The following GTF2A1L variants were observed in gnomAD, a reference collection of about 807,000 sequenced individuals.
GTF2A1L encodes the protein general transcription factor IIA subunit 1 like.
GTF2A1L carries 48 observed loss-of-function variants against 49.7 expected under a neutral mutation model. The observed-to-expected ratio is 0.97, with a 90% CI of 0.77 to 1.23. The LOEUF (loss-of-function observed/expected upper bound fraction) is 1.23. GTF2A1L is among the 50% of genes most tolerant of loss of function. The pLI, the probability that GTF2A1L is intolerant of heterozygous loss-of-function variation, is 0.00. For synonymous variants in GTF2A1L, 246 were observed against 193.5 expected (o/e 1.27, Z -2.25); for missense variants, 736 against 564.8 (o/e 1.30, Z -3.07).
chr2:48,620,160 G>GA (rs1675901106), intron 1 of GTF2A1L, among the ~76,000 whole-genome samples: 1 of 152,172 alleles, frequency 6.6e-6, no homozygotes, highest in Admixed American at 6.5e-5. Flanking sequence ...GAGGTAAATT[G>GA]AAAACAGAAG....
At chr2:48,640,112 G>T (rs181606796) in intron 3 of GTF2A1L, among the ~76,000 whole-genome samples, 7 of 152,280 alleles carry the variant, frequency 4.6e-5, no homozygotes, top group African/African-American at 1.7e-4. Flanking sequence ...GTGCAAATTA[G>T]TTCAGCCATT....
chr2:48,646,980 T>C lies in GTF2A1L; in HGVS notation c.916T>C (p.Cys306Arg). Residue 306 changes from cysteine (C) to arginine (R), a missense_variant, in exon 6 of 9, where the codon TGT becomes CGT. Transcript: ENST00000403751. ...LHILKNRMYG[C>R]DSVKQPRNIE... ...TATTCTTAAAAATAGGATGTATGGA[T>C]GTGATTCTGTAAAGCAACCAAGAAA... 1 of 1,614,078 alleles carries C rather than the reference T, an allele frequency of 6.2e-7. No homozygotes were observed. The highest frequency in any genetic ancestry group is 1.3e-5 in the African/African-American group (1 of 75,038).
chr2:48,621,697 T>A (rs1269631070), intron 3 of GTF2A1L, among the ~76,000 whole-genome samples: 1 of 152,176 alleles, frequency 6.6e-6, no homozygotes, highest in African/African-American at 2.4e-5. Flanking sequence ...ATAAATCTGA[T>A]ATATTGGGAG....
intron 6 of GTF2A1L, among the ~76,000 whole-genome samples, chr2:48,651,770 A>G (rs1677861203): frequency 1.3e-5 from 2 of 152,232 alleles, no homozygotes; most frequent in Non-Finnish European, 2.9e-5. Flanking sequence ...CTGGCTTTTC[A>G]AAGGACAATG....
chr2:48,672,774 A>G (rs1332653007), intron 8 of GTF2A1L, among the ~76,000 whole-genome samples: 1 of 152,234 alleles, frequency 6.6e-6, no homozygotes, highest in Non-Finnish European at 1.5e-5. Context: ...AGTGGCTTTG[A>G]GATATAATGA....
chr2:48,667,465 A>G (rs1916838), intron 6 of GTF2A1L, among the ~76,000 whole-genome samples: 33,978 of 152,104 alleles, frequency 0.22, 3,906 homozygotes, highest in South Asian at 0.26. Flanking sequence ...CATTGTTAGT[A>G]TGGTAGTGGC....
intron 8 of GTF2A1L, among the ~76,000 whole-genome samples, chr2:48,677,222 C>T (rs1314241020): frequency 6.6e-6 from 1 of 151,792 alleles, no homozygotes; most frequent in African/African-American, 2.4e-5. Flanking sequence ...ATCAACTTGT[C>T]TGGTTCAAAA....
Position 48,621,025 on chromosome 2 carries a change from G to C in GTF2A1L, c.123+73G>C, listed in dbSNP as rs963741921. 44 of 1,526,434 alleles carry C rather than the reference G, an allele frequency of 2.9e-5. 1 individual carries two copies. In the South Asian group the frequency reaches 5.2e-4, roughly 18 times the overall value. The allele number at this position is 1,526,434 out of a possible 1,614,324, so 94.6% of individuals were successfully genotyped here. On this transcript the variant is annotated intron_variant, in intron 2 of 8. Transcript: ENST00000403751. ...CAGCATACAAAACTGATATAGTTCT[G>C]ATCTCTCAAATTATAGTTTAGTACT...
chr2:48,650,074 T>C (rs1373512023), intron 6 of GTF2A1L, among the ~76,000 whole-genome samples: 3 of 152,208 alleles, frequency 2.0e-5, no homozygotes, highest in African/African-American at 7.2e-5. Flanking sequence ...TTAAATTGGA[T>C]GTAGCTCTTC....
intron 7 of GTF2A1L, among the ~76,000 whole-genome samples, chr2:48,670,283 A>T (rs1276172068): frequency 1.3e-5 from 2 of 152,028 alleles, no homozygotes; most frequent in Non-Finnish European, 2.9e-5. Context: ...AAACCCAGCT[A>T]CTCAGGAGAC....
At chr2:48,637,565 T>C (rs868365624) in intron 3 of GTF2A1L, among the ~76,000 whole-genome samples, 2 of 151,838 alleles carry the variant, frequency 1.3e-5, no homozygotes, top group African/African-American at 4.8e-5. Flanking sequence ...ATTGAAAGAA[T>C]CAGAGAAGCA....
In GTF2A1L at chr2:48,645,029, C is replaced by T; in HGVS notation, c.304-4C>T. On this transcript the variant is annotated splice_polypyrimidine_tract_variant and splice_region_variant and intron_variant, in intron 4 of 8. Transcript: ENST00000403751. ...ACTTTCTAATATAAATTTCTTATAT[C>T]TAGGGCACTTCAAACTCCAGTGCAA... 6.2e-7 allele frequency: 1 copy of T among 1,606,338 alleles called. No individual in the cohort carries two copies. Among genetic ancestry groups the T allele is most frequent in the Non-Finnish European group, 8.5e-7 (1 of 1,177,788 alleles).
At chr2:48,664,610 T>C (rs951921719) in intron 6 of GTF2A1L, among the ~76,000 whole-genome samples, 1 of 152,154 alleles carries the variant, frequency 6.6e-6, no homozygotes, top group Non-Finnish European at 1.5e-5. Context: ...TGTTTTCTGA[T>C]AGAGTTTTTA....
chr2:48,674,728 T>C (rs1679373480), intron 8 of GTF2A1L, among the ~76,000 whole-genome samples: 1 of 152,192 alleles, frequency 6.6e-6, no homozygotes, highest in Admixed American at 6.5e-5. Context: ...TTTGCCGCAA[T>C]GTGGGAGATA....
At chr2:48,651,979 T>G (rs1160297820) in intron 6 of GTF2A1L, among the ~76,000 whole-genome samples, 1 of 152,206 alleles carries the variant, frequency 6.6e-6, no homozygotes, top group African/African-American at 2.4e-5. Context: ...CCTGGCTATT[T>G]TGGTCAAATT....
intron 3 of GTF2A1L, chr2:48,632,503 C>A (rs1281124036): frequency 6.6e-6 from 1 of 152,384 alleles, no homozygotes; most frequent in Non-Finnish European, 1.5e-5. Context: ...CTGCCTCAGC[C>A]TCCTGAGTAG....
intron 8 of GTF2A1L, among the ~76,000 whole-genome samples, chr2:48,674,795 C>G (rs1679377210): frequency 6.6e-6 from 1 of 151,904 alleles, no homozygotes; most frequent in East Asian, 1.9e-4. Flanking sequence ...CATATATTAT[C>G]TTTTGTTTCT....
intron 6 of GTF2A1L, among the ~76,000 whole-genome samples, chr2:48,653,853 C>G (rs1426243251): frequency 7.3e-6 from 1 of 137,070 alleles, no homozygotes; most frequent in Non-Finnish European, 1.5e-5. Context: ...GAGAGAATAG[C>G]TTGAACCCAG....
intron 6 of GTF2A1L, among the ~76,000 whole-genome samples, chr2:48,658,356 G>A (rs915908006): frequency 1.3e-5 from 2 of 152,080 alleles, no homozygotes; most frequent in Non-Finnish European, 1.5e-5. Context: ...TATTGAATAG[G>A]GAGTCCTTTC....
Sources: allele counts gnomAD v4.1 joint callset (sites outside exome capture counted in the v4.1 genomes callset), GRCh38; gene constraint gnomAD v4.1.1; transcripts MANE v1.5; gene names NCBI Gene and HGNC (gene_info 2026-07-23, HGNC 2026-07-21).